The following TRMT9B variants were observed in gnomAD, a reference collection of about 807,000 sequenced individuals.
The protein encoded by TRMT9B is probable tRNA methyltransferase 9B.
TRMT9B carries 16 observed loss-of-function variants against 11.5 expected under a neutral mutation model. The ratio of observed to expected loss-of-function variants is 1.39; its 90% confidence interval spans 0.94 to 2.11. The LOEUF is 2.11. TRMT9B is among the 30% of genes most tolerant of loss of function. The pLI is 0.00. For synonymous variants in TRMT9B, 274 were observed against 192.4 expected (o/e 1.42, Z -3.51); for missense variants, 941 against 553.8 (o/e 1.70, Z -7.02).
chr8:12,992,269 A>T (rs554383206), intron 2 of TRMT9B, among the ~76,000 whole-genome samples: 6 of 152,286 alleles, frequency 3.9e-5, no homozygotes, highest in Admixed American at 1.3e-4. Context: ...AAAAACTTAT[A>T]ATCTATTTGG....
intron 1 of TRMT9B, among the ~76,000 whole-genome samples, chr8:12,953,706 G>A (rs981001686): frequency 6.6e-6 from 1 of 152,170 alleles, no homozygotes; most frequent in Admixed American, 6.5e-5. Context: ...TGAGAATACA[G>A]GGTAAAGAAC....
rs549798183 is a variant in TRMT9B at position 12,996,796 on chromosome 8, G to T, written c.-2+5765G>T. Reference sequence around the variant, plus strand: ...TAACCTGAGCGCCCTCATGTAACCCGAGCCCAGATCAAGAAACAGAACATT... The same window carrying T: ...TAACCTGAGCGCCCTCATGTAACCCTAGCCCAGATCAAGAAACAGAACATT... On this transcript the variant is annotated intron_variant, in intron 2 of 4. Coordinates refer to ENST00000524591, the MANE Select transcript of TRMT9B (RefSeq NM_020844.3). Among the ~76,000 whole-genome samples the T allele has an allele frequency of 7.2e-5, 11 of 152,040 alleles. No homozygotes were observed. The South Asian group carries it at 2.3e-3, about 32-fold the overall frequency.
intron 1 of TRMT9B, among the ~76,000 whole-genome samples, chr8:12,983,959 T>C (rs1254274340): frequency 1.3e-5 from 2 of 152,178 alleles, no homozygotes; most frequent in South Asian, 2.1e-4. Context: ...TACTGTTAAG[T>C]ATTTAAGTGT....
chr8:12,947,864 T>C (rs761125956), intron 1 of TRMT9B, among the ~76,000 whole-genome samples: 31 of 152,298 alleles, frequency 2.0e-4, no homozygotes, highest in Middle Eastern at 3.4e-3. Context: ...TTGGAAAGTG[T>C]GCAGCCTATG....
chr8:12,991,438 C>A (rs911293795), intron 2 of TRMT9B, among the ~76,000 whole-genome samples: 14 of 152,130 alleles, frequency 9.2e-5, no homozygotes, highest in Non-Finnish European at 1.3e-4. Flanking sequence ...TGTAAGTTGT[C>A]TTTTAACTGT....
chr8:12,999,375 T>G (rs1264943821), intron 2 of TRMT9B, among the ~76,000 whole-genome samples: 2 of 151,292 alleles, frequency 1.3e-5, no homozygotes, highest in Non-Finnish European at 2.9e-5. Context: ...GGGTGATTTA[T>G]TGGGGGAAGG....
chr8:12,978,519 G>C (rs775183873), intron 1 of TRMT9B, among the ~76,000 whole-genome samples: 555 of 2,166 alleles, frequency 0.26, 5 homozygotes, highest in African/African-American at 0.34. Context: ...ATAGATAGAT[G>C]ATAGATAGAT....
At chr8:12,952,804 A>G (rs1585054158) in intron 1 of TRMT9B, 1 of 443,908 alleles carries the variant, frequency 2.3e-6, no homozygotes, top group East Asian at 1.6e-4. Flanking sequence ...CAATGGCACG[A>G]TCTCGGCTCA....
intron 1 of TRMT9B, among the ~76,000 whole-genome samples, chr8:12,975,225 G>A (rs967231641): frequency 9.2e-5 from 14 of 152,018 alleles, no homozygotes; most frequent in Non-Finnish European, 1.5e-4. Context: ...AAGAGTATAT[G>A]AGAAGAGATA....
At position 13,010,511 on chromosome 8, in the gene TRMT9B, C is replaced by A. The variant is rs190520094; in HGVS notation, c.155-2173C>A. Reference sequence around the variant, plus strand: ...TTTGGATTAAAAAATATTTAAAATTCTTTTATTGTTCACATTCAAGATTTA... The same window carrying A: ...TTTGGATTAAAAAATATTTAAAATTATTTTATTGTTCACATTCAAGATTTA... On this transcript the variant is annotated intron_variant, in intron 3 of 4. Transcript: ENST00000524591. 3.8e-5 allele frequency: 37 copies of A among 983,598 alleles called. No individual in the cohort carries two copies. The East Asian group carries it at 1.5e-3, about 39-fold the overall frequency. The allele number at this position is 983,598 out of a possible 1,614,324, so 60.9% of individuals were successfully genotyped here. A position where few individuals can be genotyped will look rare whatever the true frequency, so the allele number is the denominator to read the frequency against.
intron 2 of TRMT9B, among the ~76,000 whole-genome samples, chr8:12,999,553 G>C (rs1015105006): frequency 5.9e-5 from 9 of 152,210 alleles, no homozygotes; most frequent in African/African-American, 2.2e-4. Context: ...AAATTTAAAA[G>C]AAATATTGTT....
intron 1 of TRMT9B, among the ~76,000 whole-genome samples, chr8:12,974,531 G>A (rs891111770): frequency 6.6e-6 from 1 of 152,204 alleles, no homozygotes; most frequent in African/African-American, 2.4e-5. Flanking sequence ...AACAGAATAA[G>A]TTTCCAGGGA....
At chr8:12,970,836 G>T (rs1358132750) in intron 1 of TRMT9B, among the ~76,000 whole-genome samples, 1 of 152,270 alleles carries the variant, frequency 6.6e-6, no homozygotes, top group South Asian at 2.1e-4. Context: ...TTTGGGAACT[G>T]TGATAAGAAG....
At chr8:13,007,287 A>G (rs565875128) in intron 3 of TRMT9B, 2 of 152,328 alleles carry the variant, frequency 1.3e-5, no homozygotes, top group African/African-American at 4.8e-5. Context: ...GTATTTTAAT[A>G]ATAACTTATT....
chr8:12,992,728 G>T (rs988203801), intron 2 of TRMT9B, among the ~76,000 whole-genome samples: 2 of 151,992 alleles, frequency 1.3e-5, no homozygotes, highest in African/African-American at 4.8e-5. Context: ...AGGTGTGACG[G>T]CATGCACCTG....
chr8:12,959,516 C>CTTTTTTTTTTTTTTTTTTTTTTTTTTT (rs61536433), intron 1 of TRMT9B, among the ~76,000 whole-genome samples: 3 of 74,934 alleles, frequency 4.0e-5, no homozygotes, highest in East Asian at 5.1e-4. Flanking sequence ...TTTTTCCTTC[C>CTTTTTTTTTTTTTTTTTTTTTTTTTTT]TTTTTTTTTT....
intron 4 of TRMT9B, among the ~76,000 whole-genome samples, chr8:13,014,128 G>A (rs1156485073): frequency 6.6e-6 from 1 of 152,156 alleles, no homozygotes; most frequent in Non-Finnish European, 1.5e-5. Context: ...CGTATGCTGA[G>A]GGGAGGCAGA....
chr8:12,952,736 G>A, intron 1 of TRMT9B: 1 of 964,974 alleles, frequency 1.0e-6, no homozygotes, highest in Non-Finnish European at 1.2e-6. Flanking sequence ...CTTGCTATGT[G>A]TGGGGTTTTT....
chr8:12,948,403 C>G lies in TRMT9B; in HGVS notation c.-200+2437C>G, dbSNP rs1279182713. Among the ~76,000 whole-genome samples the G allele has an allele frequency of 2.0e-5, 3 of 147,848 alleles. No individual in the cohort carries two copies. The South Asian group carries it at 6.3e-4, about 31-fold the overall frequency. On this transcript the variant is annotated intron_variant, in intron 1 of 4. Coordinates refer to ENST00000524591, the MANE Select transcript of TRMT9B (RefSeq NM_020844.3). ...TGAACCATCGTAATTCAAGGAACAT[C>G]TGTATATATAATATATATAATATAT...
Sources: gnomAD v4.1 joint callset for allele counts (sites outside exome capture counted in the v4.1 genomes callset) on GRCh38, gnomAD v4.1.1 for gene constraint, MANE v1.5 for transcripts, NCBI Gene and HGNC (gene_info 2026-07-23, HGNC 2026-07-21) for gene names.